PITPNM2: variants seen among roughly 807,000 people sequenced by gnomAD.
PITPNM2 encodes the protein phosphatidylinositol transfer protein membrane associated 2.
A neutral mutation model predicts 132.2 loss-of-function variants in PITPNM2; 35 were observed. That is an observed-to-expected ratio of 0.26 (90% CI 0.20 to 0.35). PITPNM2 has a LOEUF of 0.35. Among genes scored for constraint, PITPNM2 ranks in the 10% least tolerant of loss-of-function variants. The pLI is 1.00. For missense variants in PITPNM2, 1,332 were observed against 1,912.0 expected, an observed-to-expected ratio of 0.70 and a Z score of 5.66; for synonymous variants, 738 against 799.2, an observed-to-expected ratio of 0.92 and a Z score of 1.29.
intron 1 of PITPNM2, among the ~76,000 whole-genome samples, chr12:123,142,837 G>GA (rs2043533679): frequency 2.0e-5 from 3 of 149,988 alleles, no homozygotes; most frequent in Non-Finnish European, 4.4e-5. Context: ...ACCCACATGG[G>GA]AAAAATTCTA....
chr12:122,990,759 C>T, intron 16 of PITPNM2, 50 bp from the exon 17 acceptor site: 1 of 1,537,918 alleles, frequency 6.5e-7, no homozygotes, highest in Non-Finnish European at 8.8e-7. Flanking sequence ...CCTGCCCAGC[C>T]CCGGAGCAGT....
In PITPNM2 at chr12:123,008,214, A is replaced by C. The variant is rs1270384655; in HGVS notation, c.643+1636T>G. ...AGAACTGACTTTCAGGGAGCTGGGG[A>C]GTCTCTGCAGCTTGGCCAGGATCTC... On this transcript the variant is annotated intron_variant, in intron 6 of 25. Transcript: ENST00000320201. This position sits in a 1 kb window ranked among gnomAD's most constrained non-coding sequence, Gnocchi z 4.1. Among the ~76,000 whole-genome samples the C allele has an allele frequency of 6.6e-6, 1 of 152,108 alleles. No homozygotes were observed. The highest frequency in any genetic ancestry group is 1.5e-5 in the Non-Finnish European group (1 of 68,010).
intron 6 of PITPNM2, among the ~76,000 whole-genome samples, chr12:123,006,955 TG>T (rs920277121): frequency 5.9e-5 from 9 of 152,136 alleles, no homozygotes; most frequent in African/African-American, 1.9e-4. Context: ...TCAATAAAGC[TG>T]TTTAAAAAAC....
At chr12:123,103,896 T>TTTTATTTATTTA (rs113942958) in intron 2 of PITPNM2, among the ~76,000 whole-genome samples, 39 of 149,928 alleles carry the variant, frequency 2.6e-4, no homozygotes, top group African/African-American at 9.1e-4. Context: ...TATTTTGTTA[T>TTTTATTTATTTA]TTTATTTATT....
At chr12:123,061,160 A>G (rs2041223402) in intron 2 of PITPNM2, among the ~76,000 whole-genome samples, 1 of 152,170 alleles carries the variant, frequency 6.6e-6, no homozygotes, top group Admixed American at 6.5e-5. Flanking sequence ...CTAAACCCAA[A>G]GGTCTTCACA....
intron 1 of PITPNM2, among the ~76,000 whole-genome samples, chr12:123,138,319 G>A (rs1053524125): frequency 5.3e-5 from 8 of 152,128 alleles, no homozygotes; most frequent in East Asian, 1.9e-4. Flanking sequence ...ATGGTGGTGC[G>A]TGCCTGTAGT....
intron 1 of PITPNM2, among the ~76,000 whole-genome samples, chr12:123,124,732 G>A (rs952573815): frequency 2.0e-5 from 3 of 151,924 alleles, no homozygotes; most frequent in Admixed American, 1.3e-4. Flanking sequence ...CCCCCAACCC[G>A]GCAAGAAGTC....
chr12:123,043,401 A>AT (rs1320905082), intron 2 of PITPNM2, among the ~76,000 whole-genome samples: 1 of 152,100 alleles, frequency 6.6e-6, no homozygotes, highest in Non-Finnish European at 1.5e-5. Context: ...CCCCCCACAG[A>AT]TTCCTTGACA....
chr12:123,096,928 G>A (rs1273191869), intron 2 of PITPNM2, among the ~76,000 whole-genome samples: 1 of 152,238 alleles, frequency 6.6e-6, no homozygotes, highest in African/African-American at 2.4e-5. Context: ...GGAACTAAAG[G>A]ATGCTGGACT....
At chr12:123,121,493 G>A (rs984208395) in intron 1 of PITPNM2, among the ~76,000 whole-genome samples, 1 of 151,982 alleles carries the variant, frequency 6.6e-6, no homozygotes, top group Non-Finnish European at 1.5e-5. Context: ...TTTTGTGTTT[G>A]TGGTTAAATA....
chr12:123,006,726 TAATAA>T (rs2038950094), intron 6 of PITPNM2, among the ~76,000 whole-genome samples: 1 of 146,190 alleles, frequency 6.8e-6, no homozygotes, highest in African/African-American at 2.5e-5. Flanking sequence ...ATAGTAATAA[TAATAA>T]TAATAATAAT....
In PITPNM2 at chr12:123,064,284, C is replaced by G. The variant is rs1162460255; in HGVS notation, c.-95-29599G>C. Among the ~76,000 whole-genome samples the G allele has an allele frequency of 6.6e-6, 1 of 152,186 alleles. No homozygotes were observed. On this transcript the variant is annotated intron_variant, in intron 2 of 25. Transcript: ENST00000320201. The surrounding 1 kb of genome is among the most constrained non-coding windows in gnomAD (Gnocchi z 4.0). ...GCGACAGGGACTTGGTCAAGGTCAT[C>G]GGGCAAGTCAGTAGCAGGGAAGGGA... is the stretch of plus-strand genomic sequence containing the variant.
chr12:123,112,214 A>AACAG (rs1280598762), intron 1 of PITPNM2, among the ~76,000 whole-genome samples: 1 of 152,212 alleles, frequency 6.6e-6, no homozygotes, highest in Non-Finnish European at 1.5e-5. Flanking sequence ...CTACTTGGGG[A>AACAG]ACAGACCTCT....
At position 122,995,495 on chromosome 12, in the gene PITPNM2, G is replaced by A. The variant is rs145144337; in HGVS notation, c.1948C>T (p.Arg650Cys). ...TTGGGGTCCTCAGTGCCGTTGCTGC[G>A]GGGGATGTCGACGTTGCTTCGGCTC... Reference protein sequence around the residue: ...HLSRSNVDIPRSNGTEDPKRQ... With the variant: ...HLSRSNVDIPCSNGTEDPKRQ... The change falls in exon 14 of 26, where the codon CGC (arginine) becomes TGC (cysteine). Residue 650 changes from arginine to cysteine, a missense_variant. Arg to Cys is a radical substitution (Grantham distance 180, BLOSUM62 -3). Coordinates refer to ENST00000320201, the MANE Select transcript of PITPNM2 (RefSeq NM_020845.3). 126 of 1,613,798 alleles carry A rather than the reference G, an allele frequency of 7.8e-5. No individual in the cohort carries two copies. In the East Asian group the frequency reaches 8.2e-4, roughly 11 times the overall value.
chr12:123,088,191 C>T, intron 2 of PITPNM2: 1 of 152,234 alleles, frequency 6.6e-6, no homozygotes, highest in East Asian at 1.9e-4. Flanking sequence ...CTTGCCAGGA[C>T]ACTTCAACCT....
intron 1 of PITPNM2, among the ~76,000 whole-genome samples, chr12:123,144,464 A>G (rs770357483): frequency 1.3e-5 from 2 of 152,020 alleles, no homozygotes; most frequent in Non-Finnish European, 2.9e-5. Context: ...ACAGAGTCTC[A>G]CTCTGTCGCC....
intron 1 of PITPNM2, among the ~76,000 whole-genome samples, chr12:123,120,051 C>T (rs1340631524): frequency 1.3e-5 from 2 of 152,130 alleles, no homozygotes; most frequent in African/African-American, 4.8e-5. Flanking sequence ...GCCTGTATGG[C>T]CTGCCGGGGT....
chr12:123,037,788 A>G (rs553262731), intron 2 of PITPNM2, among the ~76,000 whole-genome samples: 6 of 152,296 alleles, frequency 3.9e-5, no homozygotes, highest in African/African-American at 1.4e-4. Flanking sequence ...CACCTCAAAT[A>G]ACAACCAGGG....
intron 1 of PITPNM2, among the ~76,000 whole-genome samples, chr12:123,124,187 C>T (rs151036257): frequency 6.4e-4 from 97 of 152,176 alleles, no homozygotes; most frequent in African/African-American, 2.1e-3. Flanking sequence ...ACCCAGGAGG[C>T]GGAGGTTGCA....
Sources: allele counts gnomAD v4.1 joint callset (sites outside exome capture counted in the v4.1 genomes callset), GRCh38; gene constraint gnomAD v4.1.1; non-coding constraint Gnocchi (gnomAD v3.1); transcripts MANE v1.5; gene names NCBI Gene and HGNC (gene_info 2026-07-23, HGNC 2026-07-21).